The following CACNA1E variants were observed in gnomAD, a reference collection of about 807,000 sequenced individuals.
CACNA1E encodes voltage-dependent R-type calcium channel subunit alpha-1E.
Under a neutral mutation model 259.2 loss-of-function variants are expected in CACNA1E, and 40 were observed. That is an observed-to-expected ratio of 0.15 (90% CI 0.12 to 0.20). The LOEUF (loss-of-function observed/expected upper bound fraction) is 0.20, where lower values mean the gene tolerates loss of function less well. Ranked by LOEUF, CACNA1E falls within the 10% of genes least tolerant of loss-of-function variation. The pLI, the probability that CACNA1E is intolerant of heterozygous loss-of-function variation, is 1.00. For missense variants in CACNA1E, 1,874 were observed against 3,040.1 expected (o/e 0.62, Z 9.02); for synonymous variants, 1,104 against 1,138.5 (o/e 0.97, Z 0.61).
chr1:181,481,371 CT>C (rs1663229455), upstream of CACNA1E, among the ~76,000 whole-genome samples: 1 of 149,272 alleles, frequency 6.7e-6, no homozygotes, highest in South Asian at 2.1e-4. Flanking sequence ...CACACACACA[CT>C]CTCACATACA....
chr1:181,604,516 C>G (rs1255303787), intron 6 of CACNA1E, among the ~76,000 whole-genome samples: 1 of 152,206 alleles, frequency 6.6e-6, no homozygotes, highest in Admixed American at 6.5e-5. Context: ...CCCTTGCAGG[C>G]AGTATTTTCC....
chr1:181,717,977 G>T, intron 11 of CACNA1E, 78 bp from the exon 12 acceptor site: 3 of 701,488 alleles, frequency 4.3e-6, no homozygotes, highest in Non-Finnish European at 7.8e-6. Flanking sequence ...GAGATCCTCT[G>T]TAGGTGGGTG....
chr1:181,403,558 G>T lies in CACNA1E; in HGVS notation c.-14-9575G>T, dbSNP rs186160777. 2.0e-5 allele frequency among the ~76,000 whole-genome samples: 3 copies of T among 152,198 alleles called. No individual in the cohort carries two copies. In the East Asian group the frequency reaches 5.8e-4, roughly 29 times the overall value. On this transcript the variant is annotated intron_variant, in intron 1 of 11. Transcript: ENST00000524607. The stretch of plus-strand genomic sequence containing the variant: ...AATTTTATGCAAAAGTGAAGTCTCA[G>T]TGTCCATTTATAGAGGATGAACTAC...
chr1:181,592,462 C>T (rs1285776593), intron 6 of CACNA1E, among the ~76,000 whole-genome samples: 1 of 135,520 alleles, frequency 7.4e-6, no homozygotes, highest in Non-Finnish European at 1.5e-5. Context: ...TCCTGCCTCA[C>T]TACAGCTCAG....
intron 16 of CACNA1E, among the ~76,000 whole-genome samples, chr1:181,723,669 A>G (rs1166536436): frequency 6.6e-6 from 1 of 152,148 alleles, no homozygotes; most frequent in Admixed American, 6.5e-5. Context: ...TTTGAAGGCT[A>G]TAATTCGGGG....
At chr1:181,343,312 TA>T (rs1338268808) in intron 1 of CACNA1E, among the ~76,000 whole-genome samples, 1 of 152,018 alleles carries the variant, frequency 6.6e-6, no homozygotes, top group Non-Finnish European at 1.5e-5. Flanking sequence ...GAGGTGGGCG[TA>T]GGGGGAGATG....
chr1:181,480,099 A>C (rs541137120), upstream of CACNA1E, among the ~76,000 whole-genome samples: 7 of 152,290 alleles, frequency 4.6e-5, no homozygotes, highest in African/African-American at 1.7e-4. Flanking sequence ...CAACATAGTG[A>C]GACCGTCGTC....
exon 1 of CACNA1E, chr1:181,317,999 C>T (rs545296270): frequency 6.6e-6 from 1 of 152,188 alleles, no homozygotes; most frequent in African/African-American, 2.4e-5. Context: ...TTCACCATTT[C>T]TCCTCCCCCG....
chr1:181,597,299 G>A (rs1653279921), intron 6 of CACNA1E, among the ~76,000 whole-genome samples: 1 of 152,048 alleles, frequency 6.6e-6, no homozygotes, highest in South Asian at 2.1e-4. Flanking sequence ...GAGGAGAAAG[G>A]GGCTCCCTTA....
At chr1:181,756,518 A>G (rs751056593) in intron 29 of CACNA1E, among the ~76,000 whole-genome samples, 2 of 152,192 alleles carry the variant, frequency 1.3e-5, no homozygotes, top group Non-Finnish European at 2.9e-5. Flanking sequence ...TCCTGTGATC[A>G]TGAGGAAGAC....
In CACNA1E at chr1:181,737,896, A is replaced by G. The variant is rs112103585; in HGVS notation, c.3552+242A>G. The stretch of plus-strand genomic sequence containing the variant: ...GCTCTGCAGGGCTCTGCAGCCACCC[A>G]TGGGCTTGGATGTGGGTCTAATATA... On this transcript the variant is annotated intron_variant, in intron 23 of 47. Coordinates refer to ENST00000367573, the MANE Select transcript of CACNA1E (RefSeq NM_001205293.3). Among the ~76,000 whole-genome samples, 714 of 152,242 alleles carry G rather than the reference A, an allele frequency of 4.7e-3. 12 individuals carry two copies. Among genetic ancestry groups the G allele is most frequent in the African/African-American group, 0.016 (682 of 41,550 alleles).
intron 35 of CACNA1E, among the ~76,000 whole-genome samples, chr1:181,768,716 G>T (rs1461916593): frequency 6.6e-6 from 1 of 152,170 alleles, no homozygotes; most frequent in Non-Finnish European, 1.5e-5. Flanking sequence ...ATTCCACAGA[G>T]ACATGAATGA....
rs553121097 is a variant in CACNA1E, at chr1:181,348,341, C to T, written c.-15+30218C>T. 2.0e-5 allele frequency among the ~76,000 whole-genome samples: 3 copies of T among 152,178 alleles called. No individual in the cohort carries two copies. In the East Asian group the frequency reaches 5.8e-4, roughly 29 times the overall value. ...AGGTCGCATCTAAACTTAGAGCTTCCAAGCCTGAGGTCTCTGTGAGTCTGC... is the reference window on the plus strand; with the variant it reads ...AGGTCGCATCTAAACTTAGAGCTTCTAAGCCTGAGGTCTCTGTGAGTCTGC... On this transcript the variant is annotated intron_variant, in intron 1 of 11. Coordinates refer to the CACNA1E transcript ENST00000524607.
intron 6 of CACNA1E, among the ~76,000 whole-genome samples, chr1:181,606,864 C>G (rs1174642706): frequency 6.6e-6 from 1 of 152,170 alleles, no homozygotes; most frequent in African/African-American, 2.4e-5. Context: ...TGGGCTAATT[C>G]CTACTTATTG....
In CACNA1E at chr1:181,737,668, G is replaced by C; in HGVS notation, c.3552+14G>C. The C allele has an allele frequency of 6.2e-7, 1 of 1,612,234 alleles. No individual in the cohort carries two copies. Among genetic ancestry groups the C allele is most frequent in the Non-Finnish European group, 8.5e-7 (1 of 1,178,850 alleles). ...GAGCGCAACAAAGTGGGTACACAGGGGCCATGTGCCAGCCTCTGTAGTGCT... is the reference window on the plus strand; with the variant it reads ...GAGCGCAACAAAGTGGGTACACAGGCGCCATGTGCCAGCCTCTGTAGTGCT... On this transcript the variant is annotated intron_variant, in intron 23 of 47. Transcript: ENST00000367573.
chr1:181,667,610 G>A (rs935047166), intron 7 of CACNA1E, among the ~76,000 whole-genome samples: 3 of 152,016 alleles, frequency 2.0e-5, no homozygotes, highest in African/African-American at 4.8e-5. Flanking sequence ...TCCATGGAGG[G>A]GAGGTAGAGA....
chr1:181,710,184 A>G (rs1008607877), intron 7 of CACNA1E, among the ~76,000 whole-genome samples: 2 of 151,338 alleles, frequency 1.3e-5, no homozygotes, highest in Admixed American at 6.6e-5. Context: ...CTGCCTCATG[A>G]TCTCCCCTCC....
chr1:181,360,598 G>A (rs749744917), intron 1 of CACNA1E, among the ~76,000 whole-genome samples: 9 of 152,138 alleles, frequency 5.9e-5, no homozygotes, highest in Non-Finnish European at 8.8e-5. Flanking sequence ...ACTACTCACG[G>A]GTACAACAGG....
At chr1:181,412,971 G>T (rs1657970260) in intron 1 of CACNA1E, among the ~76,000 whole-genome samples, 6 of 152,216 alleles carry the variant, frequency 3.9e-5, no homozygotes, top group Admixed American at 3.9e-4. Context: ...CAGTTTGTGG[G>T]TCAGGCCCGG....
Sources: gnomAD v4.1 joint callset for allele counts (sites outside exome capture counted in the v4.1 genomes callset) on GRCh38, gnomAD v4.1.1 for gene constraint, MANE v1.5 for transcripts, NCBI Gene and HGNC (gene_info 2026-07-23, HGNC 2026-07-21) for gene names.